Variants in ABTB3 observed in about 807,000 individuals in gnomAD.
ABTB3 encodes the protein ankyrin repeat- and BTB/POZ domain-containing protein 3.
At chr12:107,590,280 G>T in the ABTB3 span, among the ~76,000 whole-genome samples, 1 of 152,214 alleles carries the variant, frequency 6.6e-6, no homozygotes. Flanking sequence ...GACAACTCAG[G>T]TGTAGAACTC....
chr12:107,379,262 G>T, the ABTB3 span, among the ~76,000 whole-genome samples: 1 of 152,278 alleles, frequency 6.6e-6, no homozygotes, highest in East Asian at 1.9e-4. Context: ...TAGTAGACCA[G>T]TTGATAGGGT....
chr12:107,570,112 A>G, the ABTB3 span, among the ~76,000 whole-genome samples: 1 of 152,254 alleles, frequency 6.6e-6, no homozygotes, highest in African/African-American at 2.4e-5. Flanking sequence ...CATGAGCCCA[A>G]CTAAAGATTC....
At chr12:107,408,257 G>T in the ABTB3 span, among the ~76,000 whole-genome samples, 1 of 152,142 alleles carries the variant, frequency 6.6e-6, no homozygotes, top group Admixed American at 6.5e-5. Flanking sequence ...TGTACATCAA[G>T]TGCTTTTTAA....
At chr12:107,444,150 T>C in the ABTB3 span, among the ~76,000 whole-genome samples, 1 of 152,186 alleles carries the variant, frequency 6.6e-6, no homozygotes, top group Non-Finnish European at 1.5e-5. Context: ...TGGCGGAAGG[T>C]CAGGGTCCTG....
At chr12:107,575,863 G>T in the ABTB3 span, among the ~76,000 whole-genome samples, 3 of 152,156 alleles carry the variant, frequency 2.0e-5, no homozygotes, top group Non-Finnish European at 4.4e-5. Flanking sequence ...GACATCTTCG[G>T]TTAGGGGTGG....
At chr12:107,656,202 G>A in the ABTB3 span, among the ~76,000 whole-genome samples, 1 of 151,190 alleles carries the variant, frequency 6.6e-6, no homozygotes, top group Non-Finnish European at 1.5e-5. Context: ...TCAGAAGGCC[G>A]AGGCAGGAGA....
the ABTB3 span, among the ~76,000 whole-genome samples, chr12:107,388,924 C>T: frequency 2.0e-5 from 3 of 152,128 alleles, no homozygotes; most frequent in Non-Finnish European, 2.9e-5. Context: ...TAACAAAGAT[C>T]AAATGAGTTT....
At chr12:107,383,132 T>C in the ABTB3 span, among the ~76,000 whole-genome samples, 2 of 152,188 alleles carry the variant, frequency 1.3e-5, no homozygotes, top group African/African-American at 4.8e-5. Flanking sequence ...GCCAAATGAC[T>C]GCAGCAGCTT....
the ABTB3 span, among the ~76,000 whole-genome samples, chr12:107,570,552 C>A: frequency 6.6e-6 from 1 of 152,046 alleles, no homozygotes; most frequent in Non-Finnish European, 1.5e-5. Context: ...TTATGGCTAA[C>A]CTATAGTTTT....
chr12:107,570,203 G>A, the ABTB3 span, among the ~76,000 whole-genome samples: 2 of 150,852 alleles, frequency 1.3e-5, no homozygotes, highest in Admixed American at 1.3e-4. Context: ...AAATATATTC[G>A]TTGTTAACTT....
chr12:107,418,243 A>G, the ABTB3 span, among the ~76,000 whole-genome samples: 4 of 152,202 alleles, frequency 2.6e-5, no homozygotes, highest in African/African-American at 2.4e-5. Context: ...CTCCCAGCCT[A>G]TATCTTCCTC....
chr12:107,327,440 C>T, the ABTB3 span, among the ~76,000 whole-genome samples: 1 of 152,102 alleles, frequency 6.6e-6, no homozygotes, highest in Non-Finnish European at 1.5e-5. Flanking sequence ...CTGTTTTTAC[C>T]TCTCCACTAT....
chr12:107,588,111 CCT>C, the ABTB3 span, among the ~76,000 whole-genome samples: 1 of 152,212 alleles, frequency 6.6e-6, no homozygotes, highest in Non-Finnish European at 1.5e-5. Flanking sequence ...GGCCCTCTTT[CCT>C]CTGTGTCTGT....
At chr12:107,437,769 G>A in the ABTB3 span, among the ~76,000 whole-genome samples, 1 of 151,912 alleles carries the variant, frequency 6.6e-6, no homozygotes, top group Non-Finnish European at 1.5e-5. Context: ...GCCCCACCTG[G>A]GTAATCTCAA....
the ABTB3 span, chr12:107,618,359 A>G: frequency 6.2e-7 from 1 of 1,613,070 alleles, no homozygotes; most frequent in Non-Finnish European, 8.5e-7. Flanking sequence ...TGGATGTCAC[A>G]ATTGATATCA....
the ABTB3 span, among the ~76,000 whole-genome samples, chr12:107,452,502 G>A: frequency 2.7e-5 from 4 of 149,960 alleles, no homozygotes; most frequent in African/African-American, 4.9e-5. Context: ...CACCGCGCCC[G>A]GCCATGAAAC....
chr12:107,457,681 A>G, the ABTB3 span, among the ~76,000 whole-genome samples: 1 of 152,212 alleles, frequency 6.6e-6, no homozygotes, highest in Non-Finnish European at 1.5e-5. Context: ...TCAGCTTGAT[A>G]AAAAGCAGCA....
chr12:107,547,784 C>T, the ABTB3 span, among the ~76,000 whole-genome samples: 22 of 152,282 alleles, frequency 1.4e-4, no homozygotes, highest in South Asian at 1.2e-3. Context: ...ATTTGTCCTT[C>T]GTAAGGTGAG....
chr12:107,380,791 G>A, the ABTB3 span, among the ~76,000 whole-genome samples: 1 of 152,062 alleles, frequency 6.6e-6, no homozygotes, highest in African/African-American at 2.4e-5. Context: ...CAAGAGGAAT[G>A]TTTTAGAACA....
Sources: gnomAD v4.1 joint callset for allele counts (sites outside exome capture counted in the v4.1 genomes callset) on GRCh38, gnomAD v4.1.1 for gene constraint, MANE v1.5 for transcripts, NCBI Gene and HGNC (gene_info 2026-07-23, HGNC 2026-07-21) for gene names.